The following TEAD1 variants were observed in gnomAD, a reference collection of about 807,000 sequenced individuals.
TEAD1 encodes the protein TEA domain transcription factor 1.
A neutral mutation model predicts 54.9 loss-of-function variants in TEAD1; 9 were observed. The ratio of observed to expected loss-of-function variants is 0.16; its 90% CI spans 0.10 to 0.29. The LOEUF (loss-of-function observed/expected upper bound fraction) is 0.29, where lower values mean the gene tolerates loss of function less well. Among genes scored for constraint, TEAD1 ranks in the 10% least tolerant of loss-of-function variants. The probability of loss-of-function intolerance (pLI) is 1.00; values close to 1 mark genes in which losing one functional copy is unlikely to be tolerated. For synonymous variants in TEAD1, 200 were observed against 187.8 expected, an observed-to-expected ratio of 1.07 and a Z score of -0.53; for missense variants, 387 against 535.9, an observed-to-expected ratio of 0.72 and a Z score of 2.74.
chr11:12,712,164 A>G lies in TEAD1; in HGVS notation c.-55+36603A>G, dbSNP rs182773343. 2.0e-3 allele frequency among the ~76,000 whole-genome samples: 305 copies of G among 152,260 alleles called. 3 individuals carry two copies. Among genetic ancestry groups the G allele is most frequent in the Non-Finnish European group, 1.7e-3 (117 of 68,024 alleles). On this transcript the variant is annotated intron_variant, in intron 2 of 12. Transcript: ENST00000527636. ...TTCATGGAGTCACCCTTGTCCTCAA[A>G]TATCTCCCTCTTCTCTGTCCGTCTG...
Position 12,815,636 on chromosome 11 carries a change from T to A in TEAD1, c.203-46614T>A, listed in dbSNP as rs367812836. Among the ~76,000 whole-genome samples the A allele has an allele frequency of 2.9e-4, 44 of 152,302 alleles. 1 individual carries two copies. The East Asian group carries it at 6.4e-3, about 22-fold the overall frequency. ...CCAAGTAATAAGTAGCTTCAATGAT[T>A]GGGTGATGACGATTGGACTAAATTG... On this transcript the variant is annotated intron_variant, in intron 3 of 12. Coordinates refer to ENST00000527636, the MANE Select transcript of TEAD1 (RefSeq NM_021961.6).
At chr11:12,809,178 G>A (rs1321715447) in intron 3 of TEAD1, among the ~76,000 whole-genome samples, 3 of 152,212 alleles carry the variant, frequency 2.0e-5, no homozygotes, top group Admixed American at 1.3e-4. Flanking sequence ...GAGGACACCA[G>A]AGCGGCAGGC....
At chr11:12,738,123 G>A (rs1944573839) in intron 2 of TEAD1, among the ~76,000 whole-genome samples, 2 of 152,130 alleles carry the variant, frequency 1.3e-5, no homozygotes, top group African/African-American at 2.4e-5. Context: ...GGGAATTATG[G>A]GAGCTACGAT....
At chr11:12,811,812 G>C (rs1441942370) in intron 3 of TEAD1, among the ~76,000 whole-genome samples, 1 of 143,746 alleles carries the variant, frequency 7.0e-6, no homozygotes, top group Non-Finnish European at 1.5e-5. Context: ...GGGGGTGCAG[G>C]CCTTCGGTTA....
intron 2 of TEAD1, among the ~76,000 whole-genome samples, chr11:12,736,736 TAAAGCAGAAATTTAA>T (rs897387528): frequency 2.0e-5 from 3 of 152,172 alleles, no homozygotes; most frequent in African/African-American, 7.2e-5. Flanking sequence ...GAAATACAGG[TAAAGCAGAAATTTAA>T]AAAGCAGAGA....
intron 3 of TEAD1, among the ~76,000 whole-genome samples, chr11:12,765,094 G>A (rs952337829): frequency 1.3e-5 from 2 of 151,996 alleles, no homozygotes; most frequent in Non-Finnish European, 2.9e-5. Context: ...CTTCTTTGGG[G>A]GTTGCCTTGA....
chr11:12,872,768 A>G (rs7115063), intron 5 of TEAD1, among the ~76,000 whole-genome samples: 85,214 of 151,968 alleles, frequency 0.56, 24,488 homozygotes, highest in East Asian at 0.96. Context: ...ACATCTATCC[A>G]AAAGGTTATC....
intron 5 of TEAD1, among the ~76,000 whole-genome samples, chr11:12,866,935 A>G (rs1358790432): frequency 6.6e-6 from 1 of 152,162 alleles, no homozygotes; most frequent in Non-Finnish European, 1.5e-5. Flanking sequence ...AGCAGCCAAA[A>G]TGAAATGTGG....
intron 2 of TEAD1, among the ~76,000 whole-genome samples, chr11:12,702,919 T>G (rs536622104): frequency 6.6e-6 from 1 of 152,314 alleles, no homozygotes; most frequent in South Asian, 2.1e-4. Flanking sequence ...GGTAGTAATA[T>G]CAGCCTCATT....
chr11:12,687,045 C>G (rs529554317), intron 2 of TEAD1, among the ~76,000 whole-genome samples: 78 of 152,310 alleles, frequency 5.1e-4, no homozygotes, highest in African/African-American at 1.8e-3. Flanking sequence ...GGGTCTTGGT[C>G]TCTCCACTTC....
chr11:12,737,409 G>C (rs1944559261), intron 2 of TEAD1, among the ~76,000 whole-genome samples: 2 of 151,738 alleles, frequency 1.3e-5, no homozygotes, highest in Admixed American at 1.3e-4. Context: ...TAAGACTCAA[G>C]ACCTTAGGTT....
chr11:12,928,887 ATT>A lies in TEAD1; in HGVS notation c.1015-1286_1015-1285del, dbSNP rs561249413. Among the ~76,000 whole-genome samples the A allele has an allele frequency of 3.1e-4, 47 of 152,280 alleles. 1 individual carries two copies. In the South Asian group the frequency reaches 8.9e-3, roughly 29 times the overall value. ...ATTTTTGTGGTGAGAACACTTAAAT[ATT>A]CTCTTAGCAGTTTTCGAGGATACAG... On this transcript the variant is annotated intron_variant, in intron 11 of 12. Transcript: ENST00000527636.
chr11:12,819,778 T>C (rs1260456374), intron 3 of TEAD1, among the ~76,000 whole-genome samples: 1 of 152,220 alleles, frequency 6.6e-6, no homozygotes, highest in African/African-American at 2.4e-5. Context: ...AGCGGTCTTA[T>C]TCTGTAATAC....
intron 12 of TEAD1, among the ~76,000 whole-genome samples, chr11:12,931,313 A>C (rs1356934609): frequency 1.3e-5 from 2 of 152,200 alleles, no homozygotes; most frequent in Non-Finnish European, 2.9e-5. Context: ...GAAAATACTC[A>C]GTAATGGGTT....
chr11:12,914,406 C>G (rs527978618), intron 10 of TEAD1, among the ~76,000 whole-genome samples: 3 of 152,320 alleles, frequency 2.0e-5, no homozygotes, highest in Admixed American at 2.0e-4. Context: ...TTATTTAAAA[C>G]AGCTGTGGCA....
At chr11:12,870,691 G>T (rs1014417239) in intron 5 of TEAD1, among the ~76,000 whole-genome samples, 4 of 152,138 alleles carry the variant, frequency 2.6e-5, no homozygotes, top group African/African-American at 9.7e-5. Context: ...TTAGAGACCA[G>T]CCTGGGCAAC....
At chr11:12,854,847 C>G (rs529413309) in intron 3 of TEAD1, among the ~76,000 whole-genome samples, 1 of 151,780 alleles carries the variant, frequency 6.6e-6, no homozygotes, top group East Asian at 1.9e-4. Context: ...CCTCCTGCCT[C>G]AGCCTCCCAA....
intron 2 of TEAD1, among the ~76,000 whole-genome samples, chr11:12,701,797 T>C (rs908064241): frequency 7.9e-5 from 12 of 152,176 alleles, no homozygotes; most frequent in African/African-American, 2.9e-4. Flanking sequence ...TGAGTTCCTT[T>C]TGAAGCTAAA....
At chr11:12,928,675 AACTT>A (rs1448505727) in intron 11 of TEAD1, among the ~76,000 whole-genome samples, 1 of 152,154 alleles carries the variant, frequency 6.6e-6, no homozygotes. Flanking sequence ...GATTACATAA[AACTT>A]ACTCCTGTGA....
Sources: allele counts gnomAD v4.1 joint callset (sites outside exome capture counted in the v4.1 genomes callset), GRCh38; gene constraint gnomAD v4.1.1; transcripts MANE v1.5; gene names NCBI Gene and HGNC (gene_info 2026-07-23, HGNC 2026-07-21).